JADE2: variants seen among roughly 807,000 people sequenced by gnomAD.
The protein encoded by JADE2 is jade family PHD finger 2.
A neutral mutation model predicts 85.7 loss-of-function variants in JADE2; 13 were observed. The ratio of observed to expected loss-of-function variants is 0.15; its 90% CI spans 0.10 to 0.24. The LOEUF is 0.24. Among genes scored for constraint, JADE2 ranks in the 10% least tolerant of loss-of-function variants. The probability of loss-of-function intolerance (pLI) is 1.00; values close to 1 mark genes in which losing one functional copy is unlikely to be tolerated. For missense variants in JADE2, 846 were observed against 1,115.9 expected (o/e 0.76, Z 3.45); for synonymous variants, 440 against 456.1 (o/e 0.96, Z 0.45).
At chr5:134,536,845 G>A (rs1463223487) in intron 2 of JADE2, 1 of 152,230 alleles carries the variant, frequency 6.6e-6, no homozygotes, top group Non-Finnish European at 1.5e-5. Flanking sequence ...TTATGAGCAA[G>A]TAAGATTAGG....
chr5:134,560,021 A>T, intron 5 of JADE2, 31 bp downstream of exon 5: 2 of 1,612,590 alleles, frequency 1.2e-6, no homozygotes, highest in Non-Finnish European at 1.7e-6. Flanking sequence ...GAATGGGATC[A>T]CGGCTGGGCA....
Position 134,566,294 on chromosome 5 carries a change from C to A in JADE2, c.1148C>A (p.Ala383Asp). Residue 383 changes from alanine (A) to aspartate (D), a missense_variant, in exon 9 of 12, where the codon GCT becomes GAT. Coordinates refer to ENST00000681547, the MANE Select transcript of JADE2 (RefSeq NM_001388185.1). The surrounding 1 kb of genome is among the most constrained non-coding windows in gnomAD (Gnocchi z 6.7). ...PTSEPTEPSQAGEDLEKVTLR... is the reference protein window; with the variant it reads ...PTSEPTEPSQDGEDLEKVTLR... ...TCTGAGCCCACGGAACCCAGCCAGG[C>A]TGGCGAGGACCTGGAAAAGGTGACC... 1 of 1,614,172 alleles carries A rather than the reference C, an allele frequency of 6.2e-7. No individual in the cohort carries two copies. Among genetic ancestry groups the A allele is most frequent in the African/African-American group, 1.3e-5 (1 of 75,054 alleles).
At chr5:134,539,739 T>C (rs1761855199) in intron 3 of JADE2, among the ~76,000 whole-genome samples, 1 of 152,246 alleles carries the variant, frequency 6.6e-6, no homozygotes. Flanking sequence ...AGAGGATGTC[T>C]TTGCTCCATG....
intron 1 of JADE2, chr5:134,533,462 A>G (rs1046883804): frequency 5.7e-5 from 48 of 848,688 alleles, no homozygotes; most frequent in Non-Finnish European, 6.5e-5. Flanking sequence ...CTATGAGGAG[A>G]GGAGCTAGGA....
Position 134,573,577 on chromosome 5 carries a change from T to C in JADE2, c.1435-68T>C, listed in dbSNP as rs1764173990. The C allele has an allele frequency of 5.6e-6, 6 of 1,066,276 alleles. No homozygotes were observed. The South Asian group carries it at 6.3e-5, about 11-fold the overall frequency. The allele number at this position is 1,066,276 out of a possible 1,614,324, so 66.1% of individuals were successfully genotyped here. On this transcript the variant is annotated intron_variant, in intron 9 of 11. Transcript: ENST00000681547. ...GGCACTGCCTCCACCCATAGCAAGGTCCCCAGAGCTGGGAGGTCTGGGGTG... is the reference window on the plus strand; with the variant it reads ...GGCACTGCCTCCACCCATAGCAAGGCCCCCAGAGCTGGGAGGTCTGGGGTG...
intron 9 of JADE2, among the ~76,000 whole-genome samples, chr5:134,572,234 C>A (rs748689896): frequency 6.6e-6 from 1 of 152,180 alleles, no homozygotes; most frequent in African/African-American, 2.4e-5. Context: ...TAGGGATAGG[C>A]GGAGCTGAGG....
In JADE2 at chr5:134,552,987, C is replaced by CTTT. The variant is rs34182692; in HGVS notation, c.311+800_311+802dup. On this transcript the variant is annotated intron_variant, in intron 4 of 11. Transcript: ENST00000681547. ...CCAGCCGTAAGCCTCTGGGCCTGGC[C>CTTT]TTTTTTTTTTTTTTTTTTTTTTTTC... is the stretch of plus-strand genomic sequence containing the variant. Among the ~76,000 whole-genome samples the CTTT allele has an allele frequency of 4.6e-3, 286 of 62,402 alleles. 21 individuals carry two copies. The highest frequency in any genetic ancestry group is 9.7e-3 in the East Asian group (18 of 1,856). The allele number at this position is 62,402 out of a possible 152,430, so 40.9% of individuals were successfully genotyped here. A position where few individuals can be genotyped will look rare whatever the true frequency, so the allele number is the denominator to read the frequency against.
At chr5:134,551,915 C>CT (rs1432948310) in intron 3 of JADE2, 137 bp from the exon 4 acceptor site, 2 of 806,414 alleles carry the variant, frequency 2.5e-6, no homozygotes, top group African/African-American at 3.4e-5. Context: ...GTGCTGATTG[C>CT]TTTTATTTCG....
Position 134,566,652 on chromosome 5 carries a change from C to T in JADE2, c.1434+72C>T. The T allele has an allele frequency of 2.6e-6, 3 of 1,152,790 alleles. No homozygotes were observed. Among genetic ancestry groups the T allele is most frequent in the Non-Finnish European group, 3.6e-6 (3 of 823,290 alleles). 71.4% of individuals were successfully genotyped at this position (1,152,790 alleles called of 1,614,324 possible). A position where few individuals can be genotyped will look rare whatever the true frequency, so the allele number is the denominator to read the frequency against. On this transcript the variant is annotated intron_variant, in intron 9 of 11. Transcript: ENST00000681547. This position sits in a 1 kb window ranked among gnomAD's most constrained non-coding sequence, Gnocchi z 6.7. ...AGTCCTTTCCATGCCACACTCACTGCCCTGGAGCAGCTAGGACTCACCAGG... is the reference window on the plus strand; with the variant it reads ...AGTCCTTTCCATGCCACACTCACTGTCCTGGAGCAGCTAGGACTCACCAGG...
chr5:134,538,044 G>A lies in JADE2; in HGVS notation c.114G>A (p.Lys38=), dbSNP rs769767270. 3 of 1,614,160 alleles carry A rather than the reference G, an allele frequency of 1.9e-6. No individual in the cohort carries two copies. Among genetic ancestry groups the A allele is most frequent in the South Asian group, 2.2e-5 (2 of 91,082 alleles). The change falls in exon 3 of 12, where the codon AAG becomes AAA. Residue 38 remains lysine, a synonymous_variant. Transcript: ENST00000681547. ...SRCSKLPSST[K]SGWPRQNEKK... ...GCTCCAAACTGCCCAGCAGCACCAA[G>A]TCGGGCTGGCCCCGACAGAACGAAA...
intron 2 of JADE2, among the ~76,000 whole-genome samples, chr5:134,536,281 A>G (rs1234254869): frequency 6.6e-6 from 1 of 152,086 alleles, no homozygotes; most frequent in Non-Finnish European, 1.5e-5. Flanking sequence ...CTTTTACCAT[A>G]ATTACCGGAT....
intron 3 of JADE2, among the ~76,000 whole-genome samples, chr5:134,550,996 C>A (rs11957531): frequency 0.018 from 2,731 of 152,146 alleles, 89 homozygotes; most frequent in African/African-American, 0.061. Flanking sequence ...TCTTGAGGGA[C>A]CTTGGAAGTC....
chr5:134,568,543 G>A (rs769797698), intron 9 of JADE2, among the ~76,000 whole-genome samples: 35 of 152,162 alleles, frequency 2.3e-4, no homozygotes, highest in Non-Finnish European at 3.2e-4. Context: ...GGTGTGAACC[G>A]TCCCACTCCT....
chr5:134,563,463 G>A (rs1763453875), intron 7 of JADE2, among the ~76,000 whole-genome samples: 1 of 152,238 alleles, frequency 6.6e-6, no homozygotes. Context: ...TCCAGAGTCA[G>A]TGAGTTAGCA....
intron 2 of JADE2, among the ~76,000 whole-genome samples, chr5:134,537,289 C>T (rs192583592): frequency 5.3e-5 from 8 of 152,286 alleles, no homozygotes; most frequent in East Asian, 3.9e-4. Flanking sequence ...TTCATAAGGG[C>T]GGAGGCCACA....
intron 9 of JADE2, among the ~76,000 whole-genome samples, chr5:134,568,329 G>C (rs2149998511): frequency 6.6e-6 from 1 of 152,316 alleles, no homozygotes; most frequent in East Asian, 1.9e-4. Context: ...CCTCAGTCGG[G>C]GGCAGAAAAG....
At chr5:134,553,924 G>A (rs1430081388) in intron 4 of JADE2, among the ~76,000 whole-genome samples, 1 of 152,212 alleles carries the variant, frequency 6.6e-6, no homozygotes, top group Admixed American at 6.5e-5. Flanking sequence ...GCTTCTTTAT[G>A]CAACCTGGGA....
Position 134,538,025 on chromosome 5 carries a change from A to T in JADE2, c.95A>T (p.Lys32Ile), listed in dbSNP as rs1304223954. 8.1e-6 allele frequency: 13 copies of T among 1,613,994 alleles called. No homozygotes were observed. The highest frequency in any genetic ancestry group is 1.1e-5 in the Non-Finnish European group (13 of 1,180,020). The change falls in exon 3 of 12, where the codon AAA becomes ATA. Residue 32 changes from lysine to isoleucine, a missense_variant. Physicochemically the swap from Lys to Ile is moderately radical, Grantham distance 102. Transcript: ENST00000681547. ...ATSTSASRCS[K>I]LPSSTKSGWP... ...TCTACATCCGCATCAAGATGCTCCA[A>T]ACTGCCCAGCAGCACCAAGTCGGGC...
intron 1 of JADE2, chr5:134,526,690 G>C: frequency 1.6e-5 from 16 of 985,478 alleles, no homozygotes; most frequent in Non-Finnish European, 1.8e-5. Flanking sequence ...AGCATGCTCG[G>C]CTCCTGGGGT....
Sources: allele counts gnomAD v4.1 joint callset (sites outside exome capture counted in the v4.1 genomes callset), GRCh38; gene constraint gnomAD v4.1.1; non-coding constraint Gnocchi (gnomAD v3.1); transcripts MANE v1.5; gene names NCBI Gene and HGNC (gene_info 2026-07-23, HGNC 2026-07-21).